The following MRPS35 variants were observed in gnomAD, a reference collection of about 807,000 sequenced individuals.
The protein encoded by MRPS35 is mitochondrial ribosomal protein S35, also known as small ribosomal subunit protein mS35.
In MRPS35, 29 loss-of-function variants were observed where a neutral mutation model predicts 32.7. The ratio of observed to expected loss-of-function variants is 0.89; its 90% CI spans 0.66 to 1.21. The LOEUF is 1.21. Among genes scored for constraint, MRPS35 ranks in the 50% most tolerant of loss-of-function variants. MRPS35 has a pLI of 0.00. For synonymous variants in MRPS35, 148 were observed against 139.3 expected, an observed-to-expected ratio of 1.06 and a Z score of -0.44; for missense variants, 373 against 383.8, an observed-to-expected ratio of 0.97 and a Z score of 0.23.
rs890144390 is a variant in MRPS35, at chr12:27,733,040, A to C, written c.523-2407A>C. On this transcript the variant is annotated intron_variant, in intron 5 of 7. Transcript: ENST00000081029. The stretch of plus-strand genomic sequence containing the variant: ...TATATATATATATATATATATATAT[A>C]TCCAGCACCTCCTGTGATTTGAAAT... Among the ~76,000 whole-genome samples the C allele has an allele frequency of 2.8e-4, 22 of 79,458 alleles. 1 individual carries two copies. Among genetic ancestry groups the C allele is most frequent in the Admixed American group, 1.8e-3 (12 of 6,516 alleles). 52.1% of individuals were successfully genotyped at this position (79,458 alleles called of 152,430 possible).
Position 27,740,203 on chromosome 12 carries a change from T to C in MRPS35, c.702+2595T>C, listed in dbSNP as rs544798920. 4.4e-4 allele frequency among the ~76,000 whole-genome samples: 67 copies of C among 152,156 alleles called. 1 individual carries two copies. Among genetic ancestry groups the C allele is most frequent in the Non-Finnish European group, 9.6e-4 (65 of 68,016 alleles). On this transcript the variant is annotated intron_variant, in intron 7 of 7. Coordinates refer to ENST00000081029, the MANE Select transcript of MRPS35 (RefSeq NM_021821.4). ...AAATAGAGAGCCTCTTTTTAATCCA[T>C]TGCTTGATTTTTTTTATAGGCTAGC... is the stretch of plus-strand genomic sequence containing the variant.
At chr12:27,753,977 G>T (rs1331103179) in intron 7 of MRPS35, among the ~76,000 whole-genome samples, 5 of 152,216 alleles carry the variant, frequency 3.3e-5, no homozygotes, top group African/African-American at 1.2e-4. Context: ...GGATAGGCTG[G>T]GTGTGGTGGC....
intron 7 of MRPS35, among the ~76,000 whole-genome samples, chr12:27,741,177 AT>A (rs1214006495): frequency 2.0e-5 from 3 of 151,976 alleles, no homozygotes; most frequent in African/African-American, 7.3e-5. Context: ...CAAAAAAAAA[AT>A]AATAATAATA....
intron 5 of MRPS35, among the ~76,000 whole-genome samples, chr12:27,728,082 G>A (rs2061907451): frequency 6.6e-6 from 1 of 152,170 alleles, no homozygotes; most frequent in African/African-American, 2.4e-5. Flanking sequence ...TGTGGAGCCC[G>A]TGGAGACAAA....
intron 7 of MRPS35, among the ~76,000 whole-genome samples, chr12:27,748,438 GGTGTGTGT>G (rs35760106): frequency 8.9e-5 from 13 of 146,080 alleles, no homozygotes; most frequent in South Asian, 6.7e-4. Context: ...AAAGAAAAGT[GGTGTGTGT>G]GTGTGTGTGT....
intron 7 of MRPS35, among the ~76,000 whole-genome samples, chr12:27,748,470 T>TGTGTGTGA (rs376498203): frequency 3.2e-4 from 47 of 148,264 alleles, no homozygotes; most frequent in African/African-American, 1.1e-3. Context: ...TGTGTGTGTG[T>TGTGTGTGA]GATCCATATT....
chr12:27,712,955 A>G (rs2061834277), intron 1 of MRPS35, among the ~76,000 whole-genome samples: 1 of 152,210 alleles, frequency 6.6e-6, no homozygotes, highest in Non-Finnish European at 1.5e-5. Flanking sequence ...GAAGTCGATT[A>G]CAGTGAGCCG....
At chr12:27,747,360 CTG>C (rs1329120100) in intron 7 of MRPS35, among the ~76,000 whole-genome samples, 2 of 152,132 alleles carry the variant, frequency 1.3e-5, no homozygotes, top group African/African-American at 4.8e-5. Context: ...CCCCATTAGA[CTG>C]TGAGATCACT....
intron 7 of MRPS35, among the ~76,000 whole-genome samples, chr12:27,745,278 T>G (rs963828475): frequency 6.6e-6 from 1 of 152,168 alleles, no homozygotes; most frequent in Non-Finnish European, 1.5e-5. Context: ...CACTGAGAAA[T>G]TAAGATTTAG....
intron 7 of MRPS35, among the ~76,000 whole-genome samples, chr12:27,738,732 G>C (rs1020804396): frequency 1.3e-5 from 2 of 152,030 alleles, no homozygotes; most frequent in African/African-American, 4.8e-5. Flanking sequence ...ATGTTCTTTA[G>C]AAAGGACTTC....
chr12:27,738,931 TA>T (rs1461163312), intron 7 of MRPS35, among the ~76,000 whole-genome samples: 7 of 150,904 alleles, frequency 4.6e-5, no homozygotes, highest in African/African-American at 1.7e-4. Flanking sequence ...TTTTTTTTTT[TA>T]AAGTCTCACT....
intron 4 of MRPS35, among the ~76,000 whole-genome samples, chr12:27,723,560 T>G (rs2061885959): frequency 6.6e-6 from 1 of 152,244 alleles, no homozygotes. Context: ...CAGCCAAATT[T>G]CTAGACGACT....
intron 5 of MRPS35, among the ~76,000 whole-genome samples, chr12:27,734,590 T>C (rs889802724): frequency 6.6e-6 from 1 of 152,220 alleles, no homozygotes; most frequent in Non-Finnish European, 1.5e-5. Context: ...CTTTAGCCCA[T>C]GCCCTTATTC....
At chr12:27,743,894 T>G (rs1326714788) in intron 7 of MRPS35, among the ~76,000 whole-genome samples, 1 of 152,162 alleles carries the variant, frequency 6.6e-6, no homozygotes, top group Non-Finnish European at 1.5e-5. Flanking sequence ...AGGAAGGAAA[T>G]TCCCTCCTGT....
intron 7 of MRPS35, among the ~76,000 whole-genome samples, chr12:27,750,143 A>T (rs941697496): frequency 6.6e-6 from 1 of 152,186 alleles, no homozygotes; most frequent in Non-Finnish European, 1.5e-5. Context: ...GTAAATATTC[A>T]TGTATGTTGC....
intron 7 of MRPS35, 138 bp downstream of exon 7, chr12:27,737,746 AG>A: frequency 3.1e-6 from 2 of 651,876 alleles, no homozygotes; most frequent in Non-Finnish European, 5.2e-6. Flanking sequence ...GAAATGTCAT[AG>A]GTAGCTTCTA....
intron 6 of MRPS35, among the ~76,000 whole-genome samples, chr12:27,736,409 C>T (rs183968344): frequency 6.6e-6 from 1 of 151,936 alleles, no homozygotes; most frequent in East Asian, 1.9e-4. Context: ...TTACTATCTT[C>T]AGATAATGTT....
chr12:27,718,132 CAA>C (rs1234776624), intron 3 of MRPS35, among the ~76,000 whole-genome samples: 6 of 152,274 alleles, frequency 3.9e-5, no homozygotes, highest in Admixed American at 2.6e-4. Flanking sequence ...TTGATTAAAA[CAA>C]TATTTTCTGG....
intron 1 of MRPS35, among the ~76,000 whole-genome samples, chr12:27,712,379 A>G (rs1342646843): frequency 1.2e-4 from 18 of 152,180 alleles, no homozygotes; most frequent in Admixed American, 3.3e-4. Flanking sequence ...TGGGTTTTAT[A>G]TTGAAAGGCT....
Sources: allele counts gnomAD v4.1 joint callset (sites outside exome capture counted in the v4.1 genomes callset), GRCh38; gene constraint gnomAD v4.1.1; transcripts MANE v1.5; gene names NCBI Gene and HGNC (gene_info 2026-07-23, HGNC 2026-07-21).